Variants in RAPGEF6 observed in about 807,000 individuals in gnomAD.
RAPGEF6 encodes Rap guanine nucleotide exchange factor 6.
RAPGEF6 carries 56 observed loss-of-function variants against 171.4 expected under a neutral mutation model. That is an observed-to-expected ratio of 0.33 (90% CI 0.26 to 0.41). The LOEUF (loss-of-function observed/expected upper bound fraction) is 0.41. Ranked by LOEUF, RAPGEF6 falls within the 10% of genes least tolerant of loss-of-function variation. The probability of loss-of-function intolerance (pLI) is 1.00; values close to 1 mark genes in which losing one functional copy is unlikely to be tolerated. For synonymous variants in RAPGEF6, 692 were observed against 650.1 expected (o/e 1.06, Z -0.98); for missense variants, 1,674 against 1,921.4 (o/e 0.87, Z 2.41).
In RAPGEF6 at chr5:131,431,304, T is replaced by C. The variant is rs368658865; in HGVS notation, c.4020A>G (p.Ser1340=). 8.1e-6 allele frequency: 13 copies of C among 1,612,952 alleles called. No individual in the cohort carries two copies. Among genetic ancestry groups the C allele is most frequent in the Admixed American group, 1.7e-5 (1 of 60,006 alleles). ...AAATCTCTTCATTGCTCACAGACGA[T>C]GAGACAGCTAAACACTTGATTAGAG... ...KPSLIKCLAV[S]SSVSNEEISQ... Residue 1340 remains serine (S), a synonymous_variant, in exon 26 of 28, where the codon TCA becomes TCG. Coordinates refer to ENST00000509018, the MANE Select transcript of RAPGEF6 (RefSeq NM_016340.6).
At chr5:131,601,930 G>T (rs1214364303) in intron 3 of RAPGEF6, among the ~76,000 whole-genome samples, 1 of 151,844 alleles carries the variant, frequency 6.6e-6, no homozygotes, top group African/African-American at 2.4e-5. Flanking sequence ...AGCTACTCAG[G>T]AGGCTGAGGC....
chr5:131,464,342 A>G (rs773420889), intron 17 of RAPGEF6, 61 bp from the exon 18 acceptor site: 11 of 1,348,188 alleles, frequency 8.2e-6, no homozygotes, highest in East Asian at 4.7e-5. Context: ...AAACCCTTCA[A>G]AAAGCAACGT....
At chr5:131,588,721 CA>C (rs1447933849) in intron 4 of RAPGEF6, among the ~76,000 whole-genome samples, 1 of 151,844 alleles carries the variant, frequency 6.6e-6, no homozygotes, top group Non-Finnish European at 1.5e-5. Flanking sequence ...CCAGCCTTGG[CA>C]ACAGAGTGAG....
chr5:131,529,508 G>A (rs1028216127), intron 6 of RAPGEF6, among the ~76,000 whole-genome samples: 1 of 151,184 alleles, frequency 6.6e-6, no homozygotes, highest in East Asian at 1.9e-4. Flanking sequence ...AACTGAAGAC[G>A]AAAGAGAATT....
chr5:131,482,684 T>C (rs186375079), intron 15 of RAPGEF6, among the ~76,000 whole-genome samples: 1 of 152,192 alleles, frequency 6.6e-6, no homozygotes, highest in South Asian at 2.1e-4. Flanking sequence ...CACTTGATGT[T>C]TGTATATTAC....
At chr5:131,459,333 G>C (rs576923135) in intron 19 of RAPGEF6, among the ~76,000 whole-genome samples, 1 of 152,166 alleles carries the variant, frequency 6.6e-6, no homozygotes, top group Non-Finnish European at 1.5e-5. Context: ...ATGTTGTCTA[G>C]GGTGTTCTAA....
At chr5:131,505,325 C>T (rs764060681) in intron 10 of RAPGEF6, 39 bp downstream of exon 10, 7 of 1,604,698 alleles carry the variant, frequency 4.4e-6, no homozygotes, top group Non-Finnish European at 6.0e-6. Flanking sequence ...CTACTTTAAA[C>T]CAACAGACAA....
At chr5:131,503,608 G>C (rs1757163788) in intron 11 of RAPGEF6, among the ~76,000 whole-genome samples, 1 of 152,168 alleles carries the variant, frequency 6.6e-6, no homozygotes, top group African/African-American at 2.4e-5. Flanking sequence ...TAAGTAAACT[G>C]CTTCATCTGC....
chr5:131,495,675 A>G lies in RAPGEF6; in HGVS notation c.1420-15T>C. Reference sequence around the variant, plus strand: ...ATCCGTGTCACCTGTGGAAACATAAAAGAGGCAGCATATGGTTATAAGAGG... The same window carrying G: ...ATCCGTGTCACCTGTGGAAACATAAGAGAGGCAGCATATGGTTATAAGAGG... On this transcript the variant is annotated splice_polypyrimidine_tract_variant and intron_variant, in intron 12 of 27. Coordinates refer to ENST00000509018, the MANE Select transcript of RAPGEF6 (RefSeq NM_016340.6). The G allele has an allele frequency of 6.2e-7, 1 of 1,605,938 alleles. No individual in the cohort carries two copies. The highest frequency in any genetic ancestry group is 1.3e-5 in the African/African-American group (1 of 74,838).
chr5:131,479,706 G>A lies in RAPGEF6; in HGVS notation c.1888C>T (p.Pro630Ser), dbSNP rs147296909. Residue 630 changes from proline to serine, a missense_variant, in exon 16 of 28, where the codon CCT (proline) becomes TCT (serine). Pro to Ser is a moderately conservative substitution (Grantham distance 74, BLOSUM62 -1). Around this residue, in one of 3 missense-constraint regions of RAPGEF6, gnomAD observed 1,116 missense variants for 1,321.5 expected, o/e 0.84. Transcript: ENST00000509018. Reference protein sequence around the residue: ...FRTEQEKSGVPHIPKIAEKKS... With the variant: ...FRTEQEKSGVSHIPKIAEKKS... Reference sequence around the variant, plus strand: ...TTTTCAGCAATTTTGGGAATATGAGGAACACCAGATTTCTCTTGTTCAGTC... The same window carrying A: ...TTTTCAGCAATTTTGGGAATATGAGAAACACCAGATTTCTCTTGTTCAGTC... 37 of 1,613,618 alleles carry A rather than the reference G, an allele frequency of 2.3e-5. No homozygotes were observed. In the African/African-American group the frequency reaches 4.3e-4, roughly 19 times the overall value.
intron 6 of RAPGEF6, among the ~76,000 whole-genome samples, chr5:131,528,270 T>TTA (rs1239020198): frequency 1.6e-4 from 20 of 123,234 alleles, no homozygotes; most frequent in African/African-American, 6.5e-4. Flanking sequence ...AATAATATAT[T>TTA]TATATTATAT....
intron 3 of RAPGEF6, among the ~76,000 whole-genome samples, chr5:131,596,836 A>G (rs1032397249): frequency 1.3e-5 from 2 of 152,214 alleles, no homozygotes; most frequent in Non-Finnish European, 2.9e-5. Context: ...CTAGGCAAGG[A>G]TTTTTAAAGC....
chr5:131,572,334 G>A (rs1333344231), intron 4 of RAPGEF6, among the ~76,000 whole-genome samples: 2 of 151,990 alleles, frequency 1.3e-5, no homozygotes, highest in African/African-American at 2.4e-5. Context: ...TCGGGTAAGC[G>A]GTTTTTTCGC....
At chr5:131,532,494 A>G (rs898285339) in intron 6 of RAPGEF6, among the ~76,000 whole-genome samples, 1 of 152,152 alleles carries the variant, frequency 6.6e-6, no homozygotes, top group Admixed American at 6.5e-5. Context: ...ATCAGGCAAC[A>G]TGCACCAAAT....
intron 19 of RAPGEF6, among the ~76,000 whole-genome samples, chr5:131,460,006 GAA>G (rs1267100052): frequency 1.3e-5 from 2 of 152,090 alleles, no homozygotes; most frequent in African/African-American, 4.8e-5. Context: ...CATCTCTGCT[GAA>G]AAGAGTATAT....
At chr5:131,455,373 C>T (rs900092489) in intron 20 of RAPGEF6, among the ~76,000 whole-genome samples, 6 of 152,214 alleles carry the variant, frequency 3.9e-5, no homozygotes, top group African/African-American at 1.2e-4. Flanking sequence ...ATTCTCCTGC[C>T]TCAGCCTCCC....
At chr5:131,543,458 A>C (rs1760290859) in intron 6 of RAPGEF6, among the ~76,000 whole-genome samples, 1 of 152,190 alleles carries the variant, frequency 6.6e-6, no homozygotes. Context: ...CAGTCCTATA[A>C]AGAAAAAAGT....
intron 7 of RAPGEF6, among the ~76,000 whole-genome samples, chr5:131,513,662 A>G (rs1252011283): frequency 6.6e-6 from 1 of 152,198 alleles, no homozygotes; most frequent in Non-Finnish European, 1.5e-5. Context: ...GAACTTTTTT[A>G]GGAACCTTTT....
chr5:131,605,299 C>G (rs1764489580), intron 1 of RAPGEF6, among the ~76,000 whole-genome samples: 1 of 152,050 alleles, frequency 6.6e-6, no homozygotes, highest in Non-Finnish European at 1.5e-5. Flanking sequence ...CAACTAAGAG[C>G]AGTGGCATAG....
Sources: gnomAD v4.1 joint callset for allele counts (sites outside exome capture counted in the v4.1 genomes callset) on GRCh38, gnomAD v4.1.1 for gene constraint, gnomAD v4.1.1 regional missense constraint, MANE v1.5 for transcripts, NCBI Gene and HGNC (gene_info 2026-07-23, HGNC 2026-07-21) for gene names.